Variants in ARHGAP33 observed in about 807,000 individuals in gnomAD.
ARHGAP33 encodes the protein Rho GTPase activating protein 33, also known as rho GTPase-activating protein 33.
In ARHGAP33, 57 loss-of-function variants were observed where a neutral mutation model predicts 126.2. The observed-to-expected ratio is 0.45, with a 90% CI of 0.36 to 0.56. The LOEUF is 0.56. ARHGAP33 is among the 20% of genes least tolerant of loss of function. The pLI is 0.00. For missense variants in ARHGAP33, 1,500 were observed against 1,748.3 expected, an observed-to-expected ratio of 0.86 and a Z score of 2.53; for synonymous variants, 711 against 755.0, an observed-to-expected ratio of 0.94 and a Z score of 0.95.
intron 19 of ARHGAP33, chr19:35,785,711 T>C (rs1972077897): frequency 1.4e-6 from 2 of 1,390,052 alleles, no homozygotes; most frequent in Admixed American, 3.2e-5. Context: ...CCTTTAAAAG[T>C]CTTTATTATT....
In ARHGAP33 at chr19:35,788,127, T is replaced by TC; in HGVS notation, c.3566dup (p.Pro1190SerfsTer32). 1 of 1,607,542 alleles carries TC rather than the reference T, an allele frequency of 6.2e-7. No individual in the cohort carries two copies. ...CTCACCTGCCTCTTCCTCCTCCTCT[T>TC]CCCCTCCTGCCCACCCCCGAAGCCG... On this transcript the variant is annotated frameshift_variant, in exon 21 of 21. Coordinates refer to ENST00000007510, the MANE Select transcript of ARHGAP33 (RefSeq NM_001366178.1). LOFTEE classifies it high-confidence loss of function.
At chr19:35,783,480 A>G (rs934246089) in intron 15 of ARHGAP33, among the ~76,000 whole-genome samples, 2 of 152,182 alleles carry the variant, frequency 1.3e-5, no homozygotes, top group Non-Finnish European at 2.9e-5. Flanking sequence ...CAAGACCTGC[A>G]GAGGATGAGG....
Position 35,782,626 on chromosome 19 carries a change from G to C in ARHGAP33, c.1260G>C (p.Glu420Asp). Residue 420 changes from glutamate (E) to aspartate (D), a missense_variant, in exon 14 of 21, where the codon GAG (glutamate) becomes GAC (aspartate). Coordinates refer to ENST00000007510, the MANE Select transcript of ARHGAP33 (RefSeq NM_001366178.1). The surrounding 1 kb of genome is among the most constrained non-coding windows in gnomAD (Gnocchi z 4.1). ...CCATGTCAGTGCCTGGGGAGGAGGA[G>C]CGTCTGGTGCGGGTGCACGATGTCA... Reference protein sequence around the residue: ...SEAMSVPGEEERLVRVHDVIQ... With the variant: ...SEAMSVPGEEDRLVRVHDVIQ... 6.2e-7 allele frequency: 1 copy of C among 1,613,758 alleles called. No individual in the cohort carries two copies. The highest frequency in any genetic ancestry group is 8.5e-7 in the Non-Finnish European group (1 of 1,179,912).
Position 35,782,751 on chromosome 19 carries a change from C to G in ARHGAP33, c.1314-11C>G. 1 of 1,612,144 alleles carries G rather than the reference C, an allele frequency of 6.2e-7. No homozygotes were observed. Among genetic ancestry groups the G allele is most frequent in the East Asian group, 2.2e-5 (1 of 44,770 alleles). On this transcript the variant is annotated splice_polypyrimidine_tract_variant and intron_variant, in intron 14 of 20. Coordinates refer to ENST00000007510, the MANE Select transcript of ARHGAP33 (RefSeq NM_001366178.1). This position sits in a 1 kb window ranked among gnomAD's most constrained non-coding sequence, Gnocchi z 4.1. ...TTGAGGCTCAGGTGCCCCCTCTGCT[C>G]CCACCCCCAGGACCCTGGAGTACCT...
At position 35,782,574 on chromosome 19, in the gene ARHGAP33, A is replaced by G. The variant is rs1046407792; in HGVS notation, c.1231-23A>G. The G allele has an allele frequency of 1.7e-5, 28 of 1,613,638 alleles. No homozygotes were observed. Among genetic ancestry groups the G allele is most frequent in the Non-Finnish European group, 2.1e-5 (25 of 1,179,888 alleles). ...CCGGGACGCCTCTGGCCCAGACCTC[A>G]TCACACCTGCCCACCATCTCAGGAG... On this transcript the variant is annotated intron_variant, in intron 13 of 20. Coordinates refer to ENST00000007510, the MANE Select transcript of ARHGAP33 (RefSeq NM_001366178.1). This position sits in a 1 kb window ranked among gnomAD's most constrained non-coding sequence, Gnocchi z 4.1.
At chr19:35,783,357 C>T (rs534620098) in intron 15 of ARHGAP33, among the ~76,000 whole-genome samples, 1 of 152,002 alleles carries the variant, frequency 6.6e-6, no homozygotes, top group Non-Finnish European at 1.5e-5. Flanking sequence ...AGAGGACGGG[C>T]GTAAGATGTA....
At position 35,786,509 on chromosome 19, in the gene ARHGAP33, C is replaced by T. The variant is rs1253053264; in HGVS notation, c.2039C>T (p.Ser680Leu). ...GCTGGCTCCTGCGAGAGCCTGTCCTCGTCCTCCTCCTCCGAGTCCTCCTCC... is the reference window on the plus strand; with the variant it reads ...GCTGGCTCCTGCGAGAGCCTGTCCTTGTCCTCCTCCTCCGAGTCCTCCTCC... Reference protein sequence around the residue: ...APAGSCESLSSSSSSESSSSE... With the variant: ...APAGSCESLSLSSSSESSSSE... The change falls in exon 20 of 21, where the codon TCG becomes TTG. Residue 680 changes from serine to leucine, a missense_variant. By Grantham distance (145) the Ser-to-Leu change is moderately radical. Coordinates refer to ENST00000007510, the MANE Select transcript of ARHGAP33 (RefSeq NM_001366178.1). The surrounding 1 kb of genome is among the most constrained non-coding windows in gnomAD (Gnocchi z 7.0). The T allele has an allele frequency of 1.3e-6, 2 of 1,536,104 alleles. No individual in the cohort carries two copies. The highest frequency in any genetic ancestry group is 8.7e-7 in the Non-Finnish European group (1 of 1,146,856).
rs1414929556 is a variant in ARHGAP33, at chr19:35,786,479, C to T, written c.2009C>T (p.Ala670Val). The T allele has an allele frequency of 6.5e-7, 1 of 1,535,906 alleles. No homozygotes were observed. The highest frequency in any genetic ancestry group is 8.7e-7 in the Non-Finnish European group (1 of 1,146,766). The part of the protein sequence containing the change: ...SSSDAFPVGP[A>V]PAGSCESLSS... ...AGCGACGCTTTCCCTGTGGGCCCAG[C>T]ACCTGCTGGCTCCTGCGAGAGCCTG... is the stretch of plus-strand genomic sequence containing the variant. Residue 670 changes from alanine to valine, a missense_variant, in exon 20 of 21, where the codon GCA becomes GTA. Physicochemically the swap from Ala to Val is moderately conservative, Grantham distance 64. This residue lies in a region of ARHGAP33 where 300 missense variants were observed against 291.1 expected (regional missense o/e 1.03). Transcript: ENST00000007510. The surrounding 1 kb of genome is among the most constrained non-coding windows in gnomAD (Gnocchi z 7.0).
rs779132135 is a variant in ARHGAP33 at position 35,780,910 on chromosome 19, G to T, written c.830-10G>T. ...GACCTGCCTTTGCCCTTTGCCCCTT[G>T]CCCCCACAGCTGTGCCACGGCCTCG... On this transcript the variant is annotated splice_polypyrimidine_tract_variant and intron_variant, in intron 10 of 20. Transcript: ENST00000007510. The T allele has an allele frequency of 6.8e-6, 11 of 1,610,016 alleles. No homozygotes were observed. In the East Asian group the frequency reaches 2.2e-4, roughly 33 times the overall value.
chr19:35,788,116 C>T lies in ARHGAP33; in HGVS notation c.3551C>T (p.Ser1184Phe), dbSNP rs751041631. ...CCCAGGGGTCCCTCACCTGCCTCTT[C>T]CTCCTCCTCTTCCCCTCCTGCCCAC... ...LGPRGPSPAS[S>F]SSSSPPAHPR... Residue 1184 changes from serine (S) to phenylalanine (F), a missense_variant, in exon 21 of 21, where the codon TCC becomes TTC. Around this residue, in one of 6 missense-constraint regions of ARHGAP33, gnomAD observed 642 missense variants for 634.0 expected, o/e 1.01. Transcript: ENST00000007510. 4 of 1,611,554 alleles carry T rather than the reference C, an allele frequency of 2.5e-6. No individual in the cohort carries two copies. The highest frequency in any genetic ancestry group is 3.4e-6 in the Non-Finnish European group (4 of 1,178,900).
At position 35,777,649 on chromosome 19, in the gene ARHGAP33, G is replaced by T. The variant is rs368825074; in HGVS notation, c.11G>T (p.Arg4Leu). MVA[R>L]STDSLDGPGE... ...CTGATTCTTTCTGCTCTACAGGCAC[G>T]CAGCACTGACAGCCTGGATGGCCCA... Residue 4 changes from arginine (R) to leucine (L), a missense_variant, in exon 2 of 21, where the codon CGC becomes CTC. Physicochemically the swap from Arg to Leu is moderately radical, Grantham distance 102. Coordinates refer to ENST00000007510, the MANE Select transcript of ARHGAP33 (RefSeq NM_001366178.1). 6.4e-7 allele frequency: 1 copy of T among 1,569,714 alleles called. No homozygotes were observed. The highest frequency in any genetic ancestry group is 8.6e-7 in the Non-Finnish European group (1 of 1,156,538).
In ARHGAP33 at chr19:35,775,612, C is replaced by T. The variant is rs765725760; in HGVS notation, c.-47C>T. The stretch of plus-strand genomic sequence containing the variant: ...GCGGCGGCAGCGGCGACGAGAACGG[C>T]GAGCGAGGGGTCGAGCGCGGCCGGG... On this transcript the variant is annotated 5_prime_UTR_variant, in exon 1 of 21. Coordinates refer to ENST00000007510, the MANE Select transcript of ARHGAP33 (RefSeq NM_001366178.1). 6.7e-7 allele frequency: 1 copy of T among 1,499,286 alleles called. No individual in the cohort carries two copies. Among genetic ancestry groups the T allele is most frequent in the Non-Finnish European group, 8.9e-7 (1 of 1,129,404 alleles). 92.9% of individuals were successfully genotyped at this position (1,499,286 alleles called of 1,614,324 possible). A position where few individuals can be genotyped will look rare whatever the true frequency, so the allele number is the denominator to read the frequency against.
chr19:35,787,447 C>A lies in ARHGAP33; in HGVS notation c.2882C>A (p.Ala961Asp). 6.2e-7 allele frequency: 1 copy of A among 1,612,208 alleles called. No homozygotes were observed. The highest frequency in any genetic ancestry group is 8.5e-7 in the Non-Finnish European group (1 of 1,179,300). The change falls in exon 21 of 21, where the codon GCC becomes GAC. Residue 961 changes from alanine (A) to aspartate (D), a missense_variant. Physicochemically the swap from Ala to Asp is moderately radical, Grantham distance 126 (BLOSUM62 -2). Transcript: ENST00000007510. ...PPPNSLAHPG[A>D]WVPGPPPYLP... is the part of the protein sequence containing the mutation. ...CCCAACTCCCTAGCACACCCGGGTG[C>A]CTGGGTCCCGGGACCCCCACCCTAC...
chr19:35,787,456 CG>C lies in ARHGAP33; in HGVS notation c.2894del (p.Gly965AspfsTer16). ...NSLAHPGAWVPGPPPYLPRQQ... is the reference protein window; with the variant it reads ...NSLAHPGAWVXGPPPYLPRQQ... Reference sequence around the variant, plus strand: ...CTAGCACACCCGGGTGCCTGGGTCCCGGGACCCCCACCCTACTTACCAAGGC... The same window carrying C: ...CTAGCACACCCGGGTGCCTGGGTCCCGGACCCCCACCCTACTTACCAAGGC... On this transcript the variant is annotated frameshift_variant, in exon 21 of 21. Coordinates refer to ENST00000007510, the MANE Select transcript of ARHGAP33 (RefSeq NM_001366178.1). LOFTEE classifies it high-confidence loss of function. The C allele has an allele frequency of 3.7e-6, 6 of 1,612,086 alleles. No individual in the cohort carries two copies. Among genetic ancestry groups the C allele is most frequent in the East Asian group, 2.2e-5 (1 of 44,826 alleles).
intron 6 of ARHGAP33, 114 bp downstream of exon 6, chr19:35,779,238 A>G: frequency 3.9e-6 from 3 of 775,922 alleles, no homozygotes; most frequent in Non-Finnish European, 6.2e-6. Flanking sequence ...AGAGTGGAGG[A>G]GGCGTTGATA....
chr19:35,781,093 C>T (rs1249356627), intron 11 of ARHGAP33, 21 bp downstream of exon 11: 1 of 1,610,200 alleles, frequency 6.2e-7, no homozygotes, highest in African/African-American at 1.3e-5. Context: ...GGCCCACCCA[C>T]CCCACCCGTC....
rs773217321 is a variant in ARHGAP33, at chr19:35,786,978, C to G, written c.2508C>G (p.Leu836=). ...LSPGRSLRPH[L]IPLLLRGAEA... is the part of the protein sequence containing the mutation. ...CCGGCCGGAGCCTGCGCCCCCATCT[C>G]ATACCCCTGCTGCTGCGAGGAGCCG... The change falls in exon 20 of 21, where the codon CTC becomes CTG. Residue 836 remains leucine (L), a synonymous_variant. Coordinates refer to ENST00000007510, the MANE Select transcript of ARHGAP33 (RefSeq NM_001366178.1). The surrounding 1 kb of genome is among the most constrained non-coding windows in gnomAD (Gnocchi z 7.0). 1.6e-5 allele frequency: 26 copies of G among 1,610,832 alleles called. No individual in the cohort carries two copies. The African/African-American group carries it at 2.9e-4, about 18-fold the overall frequency.
chr19:35,777,095 T>A (rs1301575638), intron 1 of ARHGAP33, among the ~76,000 whole-genome samples: 1 of 152,078 alleles, frequency 6.6e-6, no homozygotes, highest in Non-Finnish European at 1.5e-5. Context: ...TGGGAAGAGA[T>A]GGGACTGGAG....
chr19:35,788,637 T>G lies in ARHGAP33; in HGVS notation c.*208T>G. On this transcript the variant is annotated 3_prime_UTR_variant, in exon 21 of 21. Transcript: ENST00000007510. The stretch of plus-strand genomic sequence containing the variant: ...CTGCCCATCCCCCCACCACCCTCCA[T>G]CCTGGGGGCCCTCGCACAAATCTGG... 1.9e-6 allele frequency: 1 copy of G among 513,638 alleles called. No individual in the cohort carries two copies. Among genetic ancestry groups the G allele is most frequent in the Non-Finnish European group, 3.4e-6 (1 of 297,788 alleles). 31.8% of individuals were successfully genotyped at this position (513,638 alleles called of 1,614,324 possible).
Sources: allele counts gnomAD v4.1 joint callset (sites outside exome capture counted in the v4.1 genomes callset), GRCh38; gene constraint gnomAD v4.1.1; regional missense constraint gnomAD v4.1.1; non-coding constraint Gnocchi (gnomAD v3.1); transcripts MANE v1.5; gene names NCBI Gene and HGNC (gene_info 2026-07-23, HGNC 2026-07-21).